Variants in FAM20C observed in about 807,000 individuals in gnomAD.
FAM20C encodes the protein FAM20C golgi associated secretory pathway kinase.
FAM20C carries 40 observed loss-of-function variants against 51.5 expected under a neutral mutation model. The ratio of observed to expected loss-of-function variants is 0.78; its 90% CI spans 0.60 to 1.01. The LOEUF (loss-of-function observed/expected upper bound fraction) is 1.01. Ranked by LOEUF, FAM20C falls within the 50% of genes least tolerant of loss-of-function variation. The pLI is 0.00. For synonymous variants in FAM20C, 406 were observed against 380.6 expected, an observed-to-expected ratio of 1.07 and a Z score of -0.78; for missense variants, 861 against 844.7, an observed-to-expected ratio of 1.02 and a Z score of -0.24.
intron 4 of FAM20C, among the ~76,000 whole-genome samples, chr7:247,530 TCC>T (rs1413266577): frequency 2.6e-5 from 4 of 152,154 alleles, no homozygotes; most frequent in African/African-American, 4.8e-5. Flanking sequence ...TTTAACAAGA[TCC>T]CTAGTGACGC....
chr7:195,068 T>C (rs2115038806), intron 1 of FAM20C, among the ~76,000 whole-genome samples: 1 of 152,338 alleles, frequency 6.6e-6, no homozygotes, highest in South Asian at 2.1e-4. Context: ...ATTGTGCCCC[T>C]GGTTGTTGGA....
chr7:250,276 C>T (rs975571610), intron 5 of FAM20C, among the ~76,000 whole-genome samples: 10 of 151,996 alleles, frequency 6.6e-5, no homozygotes, highest in South Asian at 2.1e-4. Context: ...AATTAAGCTC[C>T]GTTCCGTCAG....
rs1212087732 is a variant in FAM20C at position 193,571 on chromosome 7, G to A, written c.372G>A (p.Arg124=). Reference sequence around the variant, plus strand: ...CGGCCGAGCGCGCCTTGCGGGGGCGGGATCCCGGCGCCCTAAGACCCCACG... The same window carrying A: ...CGGCCGAGCGCGCCTTGCGGGGGCGAGATCCCGGCGCCCTAAGACCCCACG... ...AEPAERALRG[R]DPGALRPHDP... is the part of the protein sequence containing the mutation. Residue 124 remains arginine, a synonymous_variant, in exon 1 of 10, where the codon CGG becomes CGA. Transcript: ENST00000313766. 9.3e-6 allele frequency: 14 copies of A among 1,499,758 alleles called. No individual in the cohort carries two copies. The South Asian group carries it at 1.0e-4, about 11-fold the overall frequency. The allele number at this position is 1,499,758 out of a possible 1,614,324, so 92.9% of individuals were successfully genotyped here. A position where few individuals can be genotyped will look rare whatever the true frequency, so the allele number is the denominator to read the frequency against.
chr7:234,866 AC>A (rs1412412048), intron 3 of FAM20C, among the ~76,000 whole-genome samples: 5 of 151,894 alleles, frequency 3.3e-5, no homozygotes, highest in African/African-American at 1.2e-4. Context: ...CGAGAAGCCC[AC>A]GGCACTGCAT....
chr7:207,865 C>A (rs559462874), intron 2 of FAM20C, among the ~76,000 whole-genome samples: 87 of 152,244 alleles, frequency 5.7e-4, no homozygotes, highest in Non-Finnish European at 9.7e-4. Context: ...CCCCCCGGAG[C>A]CCCCTTCCTT....
intron 3 of FAM20C, chr7:229,125 C>T (rs1346170316): frequency 1.2e-5 from 4 of 334,836 alleles, no homozygotes; most frequent in Admixed American, 3.9e-5. Flanking sequence ...GGGCCCTTCA[C>T]GTCCAGATGA....
chr7:210,478 C>T (rs1000294160), intron 3 of FAM20C, among the ~76,000 whole-genome samples: 3 of 152,102 alleles, frequency 2.0e-5, no homozygotes, highest in African/African-American at 4.8e-5. Context: ...CCTGGTGCTG[C>T]GTGGACCCTT....
intron 2 of FAM20C, among the ~76,000 whole-genome samples, chr7:204,492 G>C (rs1012435858): frequency 6.6e-6 from 1 of 152,254 alleles, no homozygotes; most frequent in Non-Finnish European, 1.5e-5. Flanking sequence ...AGCAGACGCT[G>C]CCTGGAGGGA....
chr7:200,970 C>T (rs544507251), intron 2 of FAM20C, among the ~76,000 whole-genome samples: 2 of 152,298 alleles, frequency 1.3e-5, no homozygotes, highest in South Asian at 2.1e-4. Flanking sequence ...CCAGGTCCCT[C>T]GGTGCCCAGG....
chr7:234,115 C>T (rs1328853722), intron 3 of FAM20C, among the ~76,000 whole-genome samples: 7 of 152,228 alleles, frequency 4.6e-5, no homozygotes, highest in Non-Finnish European at 1.0e-4. Flanking sequence ...GGGAGGCCGT[C>T]CCGGCAAGTG....
chr7:233,457 G>A (rs1359864271), intron 3 of FAM20C, among the ~76,000 whole-genome samples: 3 of 152,182 alleles, frequency 2.0e-5, no homozygotes, highest in African/African-American at 4.8e-5. Flanking sequence ...CACGGCAAAC[G>A]CAGTGTCTTC....
At chr7:236,373 T>C (rs933620353) in intron 3 of FAM20C, among the ~76,000 whole-genome samples, 2 of 152,224 alleles carry the variant, frequency 1.3e-5, no homozygotes, top group African/African-American at 2.4e-5. Context: ...GAGGTGTCCG[T>C]TGCAGCCCCT....
Position 193,653 on chromosome 7 carries a change from C to T in FAM20C, c.454C>T (p.Pro152Ser). ...CGGCCCGCGTCGGTCCGAGTCGCCC[C>T]CCGGCCCCGGCGGAGACGCCTCCCT... Reference protein sequence around the residue: ...DPGPRRSESPPGPGGDASLLA... With the variant: ...DPGPRRSESPSGPGGDASLLA... Residue 152 changes from proline (P) to serine (S), a missense_variant, in exon 1 of 10, where the codon CCC becomes TCC. Pro to Ser is a moderately conservative substitution (Grantham distance 74). Transcript: ENST00000313766. 1 of 1,541,152 alleles carries T rather than the reference C, an allele frequency of 6.5e-7. No individual in the cohort carries two copies. Among genetic ancestry groups the T allele is most frequent in the Non-Finnish European group, 8.7e-7 (1 of 1,143,636 alleles).
At chr7:197,973 G>A (rs929099874) in intron 2 of FAM20C, among the ~76,000 whole-genome samples, 11 of 152,206 alleles carry the variant, frequency 7.2e-5, no homozygotes, top group African/African-American at 2.7e-4. Context: ...GCAGGGGTGT[G>A]GACAGAGCCC....
At chr7:253,531 C>T (rs977168520) in intron 5 of FAM20C, among the ~76,000 whole-genome samples, 5 of 139,836 alleles carry the variant, frequency 3.6e-5, no homozygotes, top group Non-Finnish European at 6.5e-5. Context: ...AAAGGACTCA[C>T]GCTCCTTCCT....
At chr7:230,609 C>A (rs1446062010) in intron 3 of FAM20C, among the ~76,000 whole-genome samples, 1 of 152,114 alleles carries the variant, frequency 6.6e-6, no homozygotes, top group African/African-American at 2.4e-5. Flanking sequence ...TCAGTGTTCC[C>A]ATCTGTAAAA....
intron 5 of FAM20C, among the ~76,000 whole-genome samples, chr7:250,728 G>A (rs564457023): frequency 2.0e-5 from 3 of 152,358 alleles, no homozygotes; most frequent in African/African-American, 7.2e-5. Context: ...CCGCACTGCA[G>A]CCCGCCATGC....
rs115525718 is a variant in FAM20C, at chr7:232,302, A to G, written c.864-14113A>G. Among the ~76,000 whole-genome samples the G allele has an allele frequency of 1.9e-3, 295 of 152,300 alleles. 4 individuals are homozygous for G. Among genetic ancestry groups the G allele is most frequent in the African/African-American group, 6.7e-3 (278 of 41,558 alleles). Reference sequence around the variant, plus strand: ...CTTGTGGCTACCTGTCTGTTCTCCCATGTGTCCAGTGGAGAGAACGCGGCC... The same window carrying G: ...CTTGTGGCTACCTGTCTGTTCTCCCGTGTGTCCAGTGGAGAGAACGCGGCC... On this transcript the variant is annotated intron_variant, in intron 3 of 9. Transcript: ENST00000313766.
intron 1 of FAM20C, chr7:194,036 G>A: frequency 3.5e-6 from 2 of 570,626 alleles, no homozygotes; most frequent in Non-Finnish European, 5.5e-6. Flanking sequence ...GGCTGCTGGT[G>A]AGGAAGCCAG....
Sources: allele counts gnomAD v4.1 joint callset (sites outside exome capture counted in the v4.1 genomes callset), GRCh38; gene constraint gnomAD v4.1.1; transcripts MANE v1.5; gene names NCBI Gene and HGNC (gene_info 2026-07-23, HGNC 2026-07-21).